Variants in FUT8 observed in about 807,000 individuals in gnomAD.
FUT8 encodes the protein alpha-(1,6)-fucosyltransferase.
A neutral mutation model predicts 71.3 loss-of-function variants in FUT8; 29 were observed. The ratio of observed to expected loss-of-function variants is 0.41; its 90% CI spans 0.30 to 0.55. FUT8 has a LOEUF of 0.55. Ranked by LOEUF, FUT8 falls within the 20% of genes least tolerant of loss-of-function variation. FUT8 has a pLI of 0.34. For synonymous variants in FUT8, 254 were observed against 239.3 expected (o/e 1.06, Z -0.57); for missense variants, 544 against 702.1 (o/e 0.77, Z 2.55).
In FUT8 at chr14:65,549,313, AT is replaced by A. The variant is rs34042238; in HGVS notation, c.-227-12012del. On this transcript the variant is annotated intron_variant, in intron 2 of 10. Coordinates refer to ENST00000673929, the MANE Select transcript of FUT8 (RefSeq NM_001371533.1). ...CTGAATAACAAAGTGTAGTTTTGTCATTTTTTTTTTTTAGCATTTTAAAAAG... is the reference window on the plus strand; with the variant it reads ...CTGAATAACAAAGTGTAGTTTTGTCATTTTTTTTTTTAGCATTTTAAAAAG... 7.2e-3 allele frequency among the ~76,000 whole-genome samples: 1,042 copies of A among 145,112 alleles called. 10 individuals carry two copies. The highest frequency in any genetic ancestry group is 0.015 in the African/African-American group (595 of 39,938).
chr14:65,611,205 GCGCGCGCGCGCGCGCGCGCA>G (rs1888897188), intron 3 of FUT8, among the ~76,000 whole-genome samples: 1 of 2,200 alleles, frequency 4.5e-4, no homozygotes, highest in African/African-American at 6.3e-4. Flanking sequence ...ACACGCGCGC[GCGCGCGCGCGCGCGCGCGCA>G]CACACACACA....
At chr14:65,677,219 T>C (rs572224229) in intron 7 of FUT8, among the ~76,000 whole-genome samples, 2 of 149,652 alleles carry the variant, frequency 1.3e-5, no homozygotes, top group African/African-American at 4.9e-5. Flanking sequence ...ACTTTATTAC[T>C]CATGCATTTT....
rs368829908 is a variant in FUT8, at chr14:65,440,363, T to C, written c.-325-15258T>C. On this transcript the variant is annotated intron_variant, in intron 1 of 10. Coordinates refer to ENST00000673929, the MANE Select transcript of FUT8 (RefSeq NM_001371533.1). ...GAAAGTAGTTTTTTTTTTTTTTAAATTGAAATGGGATCTCACTGTGTTGCC... is the reference window on the plus strand; with the variant it reads ...GAAAGTAGTTTTTTTTTTTTTTAAACTGAAATGGGATCTCACTGTGTTGCC... Among the ~76,000 whole-genome samples the C allele has an allele frequency of 1.6e-4, 25 of 151,900 alleles. No homozygotes were observed. The East Asian group carries it at 4.5e-3, about 27-fold the overall frequency.
chr14:65,655,601 A>G (rs1295787445), intron 6 of FUT8, among the ~76,000 whole-genome samples: 1 of 152,126 alleles, frequency 6.6e-6, no homozygotes, highest in African/African-American at 2.4e-5. Context: ...TACCAAAAAA[A>G]TGTAATTTTA....
rs1892393636 is a variant in FUT8, at chr14:65,669,848, T to C, written c.835+368T>C. On this transcript the variant is annotated intron_variant, in intron 7 of 10. Transcript: ENST00000673929. The surrounding 1 kb of genome is among the most constrained non-coding windows in gnomAD (Gnocchi z 4.5). Reference sequence around the variant, plus strand: ...GTAGTCCAGTTTATATGGACTACTATATATGAGTAGCATGAGCATGCATGA... The same window carrying C: ...GTAGTCCAGTTTATATGGACTACTACATATGAGTAGCATGAGCATGCATGA... Among the ~76,000 whole-genome samples the C allele has an allele frequency of 6.6e-6, 1 of 152,230 alleles. No individual in the cohort carries two copies.
the FUT8 span, among the ~76,000 whole-genome samples, chr14:65,397,261 A>C: frequency 6.6e-6 from 1 of 152,168 alleles, no homozygotes; most frequent in Non-Finnish European, 1.5e-5. The surrounding 1 kb of genome is among the most constrained non-coding windows in gnomAD (Gnocchi z 4.2). Context: ...CTTGACTACC[A>C]TGGTGGCTTG....
At chr14:65,690,909 A>G (rs1423025867) in intron 7 of FUT8, among the ~76,000 whole-genome samples, 5 of 151,738 alleles carry the variant, frequency 3.3e-5, no homozygotes, top group African/African-American at 4.8e-5. Flanking sequence ...TACTTTTAGT[A>G]GAGATGGGGT....
At chr14:65,635,745 G>A (rs915144082) in intron 6 of FUT8, among the ~76,000 whole-genome samples, 1 of 152,136 alleles carries the variant, frequency 6.6e-6, no homozygotes, top group African/African-American at 2.4e-5. Flanking sequence ...CTAGTATTTT[G>A]TTAAGGATTT....
intron 2 of FUT8, among the ~76,000 whole-genome samples, chr14:65,506,941 A>G (rs1412914108): frequency 6.6e-6 from 1 of 152,242 alleles, no homozygotes; most frequent in Non-Finnish European, 1.5e-5. Flanking sequence ...CTGTTTTGCC[A>G]GTCCAGCTGA....
At chr14:65,704,142 A>G (rs565941887) in intron 7 of FUT8, among the ~76,000 whole-genome samples, 60 of 152,312 alleles carry the variant, frequency 3.9e-4, no homozygotes, top group African/African-American at 1.3e-3. Context: ...ATTGTGAAAC[A>G]TCTCATTCGT....
At chr14:65,469,211 A>C (rs2066097260) in intron 2 of FUT8, among the ~76,000 whole-genome samples, 1 of 152,158 alleles carries the variant, frequency 6.6e-6, no homozygotes, top group East Asian at 1.9e-4. Context: ...CCTGGTGATA[A>C]TTTGATAATT....
intron 2 of FUT8, among the ~76,000 whole-genome samples, chr14:65,558,380 A>G (rs773259082): frequency 1.1e-4 from 17 of 152,004 alleles, no homozygotes; most frequent in Non-Finnish European, 1.9e-4. Context: ...AATTTAATCA[A>G]TCAAGGAATG....
chr14:65,465,639 T>C (rs1384893547), intron 2 of FUT8, among the ~76,000 whole-genome samples: 1 of 152,260 alleles, frequency 6.6e-6, no homozygotes, highest in African/African-American at 2.4e-5. Flanking sequence ...AATTCCATTG[T>C]GGTGTGTCTA....
intron 3 of FUT8, among the ~76,000 whole-genome samples, chr14:65,592,101 A>T (rs1887723204): frequency 6.6e-6 from 1 of 152,136 alleles, no homozygotes; most frequent in South Asian, 2.1e-4. Flanking sequence ...GCGACTTTGC[A>T]TATGCAGCTG....
Position 65,437,362 on chromosome 14 carries a change from G to T in FUT8, c.-325-18259G>T, listed in dbSNP as rs181745050. ...TTAGGAAAGAAATAAGAATTTATTG[G>T]ATTAAATGTTAGCTGTTTAGTATTG... On this transcript the variant is annotated intron_variant, in intron 1 of 10. Transcript: ENST00000673929. 5.3e-5 allele frequency among the ~76,000 whole-genome samples: 8 copies of T among 152,268 alleles called. No individual in the cohort carries two copies. The East Asian group carries it at 1.5e-3, about 29-fold the overall frequency.
chr14:65,692,617 C>G (rs1227731232), intron 7 of FUT8, among the ~76,000 whole-genome samples: 1 of 151,446 alleles, frequency 6.6e-6, no homozygotes, highest in East Asian at 2.0e-4. Flanking sequence ...CTGACCCCCA[C>G]CCCCCTCCCA....
intron 7 of FUT8, among the ~76,000 whole-genome samples, chr14:65,714,189 A>G (rs528715571): frequency 6.6e-6 from 1 of 152,018 alleles, no homozygotes; most frequent in East Asian, 1.9e-4. Flanking sequence ...CAATGTATAG[A>G]TTTGTTTCTG....
In FUT8 at chr14:65,743,428, T is replaced by G. The variant is rs1289163824; in HGVS notation, c.*1018T>G. ...TTTAATTGAGTGAAATAATCATAAC[T>G]CCTTGCTCCCAGAGAAGCTATCACC... On this transcript the variant is annotated 3_prime_UTR_variant, in exon 11 of 11. Transcript: ENST00000673929. 1.3e-5 allele frequency: 2 copies of G among 151,962 alleles called. No homozygotes were observed. The highest frequency in any genetic ancestry group is 4.8e-5 in the African/African-American group (2 of 41,424). 9.4% of individuals were successfully genotyped at this position (151,962 alleles called of 1,614,324 possible). A position where few individuals can be genotyped will look rare whatever the true frequency, so the allele number is the denominator to read the frequency against.
chr14:65,584,720 T>G, intron 3 of FUT8, among the ~76,000 whole-genome samples: 1 of 152,250 alleles, frequency 6.6e-6, no homozygotes, highest in South Asian at 2.1e-4. Context: ...CTAAGTACTT[T>G]CACATATATT....
Sources: allele counts gnomAD v4.1 joint callset (sites outside exome capture counted in the v4.1 genomes callset), GRCh38; gene constraint gnomAD v4.1.1; non-coding constraint Gnocchi (gnomAD v3.1); transcripts MANE v1.5; gene names NCBI Gene and HGNC (gene_info 2026-07-23, HGNC 2026-07-21).